The following ARMH4 variants were observed in gnomAD, a reference collection of about 807,000 sequenced individuals.
ARMH4 encodes the protein armadillo-like helical domain-containing protein 4.
ARMH4 carries 49 observed loss-of-function variants against 61.9 expected under a neutral mutation model. That is an observed-to-expected ratio of 0.79 (90% CI 0.63 to 1.00). ARMH4 has a LOEUF of 1.00. Among genes scored for constraint, ARMH4 ranks in the 50% least tolerant of loss-of-function variants. The pLI is 0.00. For missense variants in ARMH4, 934 were observed against 930.0 expected (o/e 1.00, Z -0.06); for synonymous variants, 368 against 341.5 (o/e 1.08, Z -0.85).
At chr14:58,049,991 G>A (rs1884081057) in intron 5 of ARMH4, among the ~76,000 whole-genome samples, 2 of 152,150 alleles carry the variant, frequency 1.3e-5, no homozygotes, top group African/African-American at 2.4e-5. Flanking sequence ...CAGTGTGAAT[G>A]GACAGAAGCA....
At chr14:58,101,320 T>G (rs76200116) in intron 4 of ARMH4, 3,296 of 152,858 alleles carry the variant, frequency 0.022, 50 homozygotes, top group Non-Finnish European at 0.033. Flanking sequence ...GGATACTTGT[T>G]CCACAAAACA....
intron 5 of ARMH4, among the ~76,000 whole-genome samples, chr14:58,030,083 C>T (rs923096849): frequency 1.3e-5 from 2 of 152,162 alleles, no homozygotes; most frequent in African/African-American, 4.8e-5. Context: ...GAAAACATTA[C>T]ACTAAGTGAA....
chr14:58,055,241 TC>T (rs1338539497), intron 5 of ARMH4, among the ~76,000 whole-genome samples: 139 of 152,230 alleles, frequency 9.1e-4, no homozygotes, highest in Non-Finnish European at 8.8e-5. Flanking sequence ...GGGCCACATT[TC>T]CTCTCATAGA....
At chr14:58,030,150 G>T (rs908924623) in intron 5 of ARMH4, among the ~76,000 whole-genome samples, 3 of 152,192 alleles carry the variant, frequency 2.0e-5, no homozygotes, top group Admixed American at 2.0e-4. Flanking sequence ...AAGCTATGTG[G>T]TCCCTCCTAG....
chr14:58,065,964 T>C lies in ARMH4; in HGVS notation c.2089+30760A>G, dbSNP rs185598586. Reference sequence around the variant, plus strand: ...ATACTGAATTCTGCCAACAACCATGTGAGCTTGGAGGCAGATCCTCTTCAG... The same window carrying C: ...ATACTGAATTCTGCCAACAACCATGCGAGCTTGGAGGCAGATCCTCTTCAG... On this transcript the variant is annotated intron_variant, in intron 5 of 7. Coordinates refer to ENST00000267485, the MANE Select transcript of ARMH4 (RefSeq NM_001001872.4). Among the ~76,000 whole-genome samples, 429 of 152,334 alleles carry C rather than the reference T, an allele frequency of 2.8e-3. 4 individuals carry two copies. The highest frequency in any genetic ancestry group is 4.8e-3 in the Non-Finnish European group (324 of 68,028).
intron 4 of ARMH4, among the ~76,000 whole-genome samples, chr14:58,130,445 C>T (rs1192083983): frequency 6.6e-6 from 1 of 152,206 alleles, no homozygotes; most frequent in Non-Finnish European, 1.5e-5. Flanking sequence ...ATGTCTCTTA[C>T]TGCAGCAAAC....
At chr14:58,137,869 G>A in intron 2 of ARMH4, 121 bp downstream of exon 2, 1 of 995,670 alleles carries the variant, frequency 1.0e-6, no homozygotes, top group South Asian at 1.7e-5. Context: ...TTATAGGCAT[G>A]AGCTGCTGCA....
intron 4 of ARMH4, among the ~76,000 whole-genome samples, chr14:58,108,443 A>G (rs942746701): frequency 6.6e-6 from 1 of 152,204 alleles, no homozygotes; most frequent in Non-Finnish European, 1.5e-5. Flanking sequence ...ACCTATCTGC[A>G]TATTCTTCTT....
chr14:58,124,226 C>G (rs1886824904), intron 4 of ARMH4, among the ~76,000 whole-genome samples: 1 of 152,186 alleles, frequency 6.6e-6, no homozygotes, highest in Admixed American at 6.5e-5. Flanking sequence ...TTTCCAGGCC[C>G]TAAAGAAGGC....
At chr14:58,057,994 T>G (rs1241837411) in intron 5 of ARMH4, among the ~76,000 whole-genome samples, 6 of 152,184 alleles carry the variant, frequency 3.9e-5, no homozygotes, top group Non-Finnish European at 8.8e-5. Flanking sequence ...GAAACTCAAA[T>G]GCATGGAGCT....
chr14:58,107,865 G>C (rs932992968), intron 4 of ARMH4, among the ~76,000 whole-genome samples: 3 of 151,878 alleles, frequency 2.0e-5, no homozygotes, highest in Admixed American at 6.6e-5. Flanking sequence ...GCGCATATTA[G>C]CCTTTCTCCC....
At chr14:58,011,056 G>A (rs902037019) in intron 6 of ARMH4, among the ~76,000 whole-genome samples, 3 of 151,902 alleles carry the variant, frequency 2.0e-5, no homozygotes, top group African/African-American at 7.3e-5. Context: ...TCTGATCCCA[G>A]CCCACCTCTC....
At chr14:58,064,280 C>T (rs1297878715) in intron 5 of ARMH4, among the ~76,000 whole-genome samples, 1 of 152,126 alleles carries the variant, frequency 6.6e-6, no homozygotes, top group Non-Finnish European at 1.5e-5. Flanking sequence ...ATTAGAAACA[C>T]CTATAAAGAA....
At chr14:58,129,867 T>C (rs1204639224) in intron 4 of ARMH4, among the ~76,000 whole-genome samples, 1 of 152,208 alleles carries the variant, frequency 6.6e-6, no homozygotes, top group Non-Finnish European at 1.5e-5. Context: ...TTGTAACCCA[T>C]GACAAGGATA....
At chr14:58,006,837 C>T (rs1461157847) in intron 6 of ARMH4, among the ~76,000 whole-genome samples, 1 of 151,856 alleles carries the variant, frequency 6.6e-6, no homozygotes, top group African/African-American at 2.4e-5. Context: ...TGCAGCACAC[C>T]AACATGGCAC....
At chr14:58,067,680 A>T (rs1376797669) in intron 5 of ARMH4, among the ~76,000 whole-genome samples, 1 of 152,214 alleles carries the variant, frequency 6.6e-6, no homozygotes, top group Non-Finnish European at 1.5e-5. Context: ...TATATAGTTT[A>T]TCCAAATGTT....
intron 4 of ARMH4, among the ~76,000 whole-genome samples, chr14:58,107,096 C>G (rs1886187834): frequency 6.6e-6 from 1 of 152,164 alleles, no homozygotes; most frequent in Non-Finnish European, 1.5e-5. Context: ...CAGTTCCCAC[C>G]AAAGGTGCTC....
intron 5 of ARMH4, among the ~76,000 whole-genome samples, chr14:58,043,023 G>A (rs1004488658): frequency 1.3e-5 from 2 of 152,114 alleles, no homozygotes; most frequent in Non-Finnish European, 2.9e-5. Flanking sequence ...TCTACCACAG[G>A]TACAAGGAGG....
At chr14:58,012,499 CTCA>C (rs1026342642) in intron 5 of ARMH4, among the ~76,000 whole-genome samples, 35 of 152,058 alleles carry the variant, frequency 2.3e-4, no homozygotes, top group Admixed American at 2.0e-3. Context: ...TGGCTTATTT[CTCA>C]TCTTTCTCAG....
Sources: gnomAD v4.1 joint callset for allele counts (sites outside exome capture counted in the v4.1 genomes callset) on GRCh38, gnomAD v4.1.1 for gene constraint, MANE v1.5 for transcripts, NCBI Gene and HGNC (gene_info 2026-07-23, HGNC 2026-07-21) for gene names.